VIPR2: variants seen among roughly 807,000 people sequenced by gnomAD.
VIPR2 encodes the protein vasoactive intestinal peptide receptor 2.
In VIPR2, 48 loss-of-function variants were observed where a neutral mutation model predicts 58.0. The ratio of observed to expected loss-of-function variants is 0.83; its 90% CI spans 0.66 to 1.05. VIPR2 has a LOEUF of 1.05. Among genes scored for constraint, VIPR2 ranks in the 50% least tolerant of loss-of-function variants. VIPR2 has a pLI of 0.00. For synonymous variants in VIPR2, 243 were observed against 235.2 expected (o/e 1.03, Z -0.30); for missense variants, 534 against 558.0 (o/e 0.96, Z 0.43).
In VIPR2 at chr7:159,108,135, G is replaced by A. The variant is rs763486047; in HGVS notation, c.259+1677C>T. 6.6e-5 allele frequency among the ~76,000 whole-genome samples: 10 copies of A among 152,288 alleles called. No individual in the cohort carries two copies. The East Asian group carries it at 1.4e-3, about 21-fold the overall frequency. The stretch of plus-strand genomic sequence containing the variant: ...GTAGACCACAGAGCACCATGCAGAC[G>A]CAAGCCTGACTTTCATTTCTTTCTA... On this transcript the variant is annotated intron_variant, in intron 3 of 12. Transcript: ENST00000262178.
At chr7:159,114,937 T>C (rs1796182421) in intron 2 of VIPR2, among the ~76,000 whole-genome samples, 1 of 152,316 alleles carries the variant, frequency 6.6e-6, no homozygotes, top group African/African-American at 2.4e-5. Flanking sequence ...GTTGGGTACC[T>C]GCAATTCATT....
chr7:159,144,022 CCT>C (rs752876431), intron 1 of VIPR2, among the ~76,000 whole-genome samples: 3 of 152,244 alleles, frequency 2.0e-5, no homozygotes, highest in Non-Finnish European at 4.4e-5. Flanking sequence ...TCCAGACCTG[CCT>C]CGGCTGCGAC....
At chr7:159,122,233 C>T (rs1456054262) in intron 2 of VIPR2, among the ~76,000 whole-genome samples, 3 of 152,178 alleles carry the variant, frequency 2.0e-5, no homozygotes, top group African/African-American at 7.2e-5. Flanking sequence ...CAGACGTCTT[C>T]CTCCCAAAAG....
rs1857593085 is a variant in VIPR2 at position 159,093,058 on chromosome 7, A to G, written c.357+10699T>C. ...GGTGGAACAAGCCATCCACTTCTGCACTGGTGCCGTCCACTCAGAGAACCC... is the reference window on the plus strand; with the variant it reads ...GGTGGAACAAGCCATCCACTTCTGCGCTGGTGCCGTCCACTCAGAGAACCC... On this transcript the variant is annotated intron_variant, in intron 4 of 12. Coordinates refer to ENST00000262178, the MANE Select transcript of VIPR2 (RefSeq NM_003382.5). This position sits in a 1 kb window ranked among gnomAD's most constrained non-coding sequence, Gnocchi z 6.7. Among the ~76,000 whole-genome samples, 1 of 152,140 alleles carries G rather than the reference A, an allele frequency of 6.6e-6. No individual in the cohort carries two copies. The highest frequency in any genetic ancestry group is 2.1e-4 in the South Asian group (1 of 4,822).
Position 159,103,688 on chromosome 7 carries a change from C to A in VIPR2, c.357+69G>T, listed in dbSNP as rs185653737. The A allele has an allele frequency of 5.2e-5, 60 of 1,164,892 alleles. No homozygotes were observed. In the Admixed American group the frequency reaches 6.8e-4, roughly 13 times the overall value. The allele number at this position is 1,164,892 out of a possible 1,614,324, so 72.2% of individuals were successfully genotyped here. ...AAAAATCTACATAATTCTTGCAGGG[C>A]AGGAGGGGGCTTCTGGTGCAGTGTT... On this transcript the variant is annotated intron_variant, in intron 4 of 12. Transcript: ENST00000262178.
chr7:159,057,875 C>T (rs1390929283), intron 5 of VIPR2, among the ~76,000 whole-genome samples: 1 of 152,208 alleles, frequency 6.6e-6, no homozygotes, highest in African/African-American at 2.4e-5. Flanking sequence ...GGCCATCTCA[C>T]CTCACTGCCA....
chr7:159,040,994 C>A (rs1216557196), intron 6 of VIPR2, among the ~76,000 whole-genome samples: 2 of 152,232 alleles, frequency 1.3e-5, no homozygotes, highest in Non-Finnish European at 2.9e-5. Context: ...TCCCTCTGTC[C>A]TCACAGAGCT....
rs1052097395 is a variant in VIPR2 at position 159,098,090 on chromosome 7, C to T, written c.357+5667G>A. 1.3e-5 allele frequency among the ~76,000 whole-genome samples: 2 copies of T among 152,220 alleles called. No homozygotes were observed. The highest frequency in any genetic ancestry group is 6.5e-5 in the Admixed American group (1 of 15,286). On this transcript the variant is annotated intron_variant, in intron 4 of 12. Transcript: ENST00000262178. The surrounding 1 kb of genome is among the most constrained non-coding windows in gnomAD (Gnocchi z 5.2). ...AGCGGAATCCCCAGCCTCACACCAG[C>T]CCGGCCACTGCCGCTCCCGTCCTCT...
At chr7:159,061,644 A>T (rs1855659162) in intron 4 of VIPR2, among the ~76,000 whole-genome samples, 1 of 151,258 alleles carries the variant, frequency 6.6e-6, no homozygotes, top group African/African-American at 2.4e-5. Flanking sequence ...CAGAGCGAGG[A>T]CCTGTCGCAA....
chr7:159,038,458 T>C (rs111274156), intron 6 of VIPR2, among the ~76,000 whole-genome samples: 4 of 152,288 alleles, frequency 2.6e-5, no homozygotes, highest in African/African-American at 9.6e-5. Context: ...GCCCTGGGCA[T>C]CAGGACAGAG....
chr7:159,031,585 G>A lies in VIPR2; in HGVS notation c.1143+243C>T. On this transcript the variant is annotated intron_variant, in intron 12 of 12. Transcript: ENST00000262178. This position sits in a 1 kb window ranked among gnomAD's most constrained non-coding sequence, Gnocchi z 4.0. ...GCTTTCCCGAGAGGGCTCCGAGACG[G>A]ACGGCAGTCGATGCTACTTAGGGTG... 1.0e-6 allele frequency: 1 copy of A among 985,452 alleles called. No homozygotes were observed. The highest frequency in any genetic ancestry group is 1.2e-6 in the Non-Finnish European group (1 of 829,944). 61.0% of individuals were successfully genotyped at this position (985,452 alleles called of 1,614,324 possible).
chr7:159,087,571 C>A (rs970983040), intron 4 of VIPR2, among the ~76,000 whole-genome samples: 1 of 127,312 alleles, frequency 7.9e-6, no homozygotes, highest in Non-Finnish European at 1.7e-5. Flanking sequence ...GATACGGCTT[C>A]CCAACAAACA....
Position 159,048,431 on chromosome 7 carries a change from T to A in VIPR2, c.456-5255A>T, listed in dbSNP as rs550321568. On this transcript the variant is annotated intron_variant, in intron 5 of 12. Transcript: ENST00000262178. ...TTATGTATGTTTGGACAGCTAGGTA[T>A]GTTTGAACAACTTTTTCAACTGTAA... Among the ~76,000 whole-genome samples the A allele has an allele frequency of 2.6e-5, 4 of 152,348 alleles. No homozygotes were observed. In the East Asian group the frequency reaches 7.7e-4, roughly 29 times the overall value.
At chr7:159,140,780 C>T (rs1249194786) in intron 2 of VIPR2, among the ~76,000 whole-genome samples, 8 of 152,200 alleles carry the variant, frequency 5.3e-5, no homozygotes, top group African/African-American at 1.2e-4. Context: ...GACTCACACA[C>T]GGACTGCCCA....
intron 4 of VIPR2, among the ~76,000 whole-genome samples, chr7:159,088,053 C>A (rs1356594532): frequency 6.6e-6 from 1 of 152,240 alleles, no homozygotes; most frequent in Admixed American, 6.5e-5. Context: ...CGGTGCCCAC[C>A]CGACCCCTGA....
chr7:159,058,230 G>A (rs1189826066), intron 5 of VIPR2, among the ~76,000 whole-genome samples: 1 of 152,134 alleles, frequency 6.6e-6, no homozygotes, highest in Non-Finnish European at 1.5e-5. Context: ...TTTGCATAAT[G>A]GCTAAGTATT....
At chr7:159,043,488 A>T (rs1328040712) in intron 5 of VIPR2, among the ~76,000 whole-genome samples, 1 of 152,206 alleles carries the variant, frequency 6.6e-6, no homozygotes, top group Non-Finnish European at 1.5e-5. Context: ...AATCCCAACA[A>T]AGGAGGTCAG....
intron 3 of VIPR2, among the ~76,000 whole-genome samples, chr7:159,106,634 G>C (rs1858678246): frequency 7.2e-6 from 1 of 139,662 alleles, no homozygotes; most frequent in Admixed American, 7.1e-5. Flanking sequence ...GGGCAGAAAG[G>C]CCAGGGAGGG....
At chr7:159,141,573 A>C (rs1797468214) in intron 2 of VIPR2, among the ~76,000 whole-genome samples, 1 of 152,278 alleles carries the variant, frequency 6.6e-6, no homozygotes, top group Non-Finnish European at 1.5e-5. Context: ...ATAAGAATGC[A>C]AAATTAATAA....
Sources: allele counts gnomAD v4.1 joint callset (sites outside exome capture counted in the v4.1 genomes callset), GRCh38; gene constraint gnomAD v4.1.1; non-coding constraint Gnocchi (gnomAD v3.1); transcripts MANE v1.5; gene names NCBI Gene and HGNC (gene_info 2026-07-23, HGNC 2026-07-21).